Variants in SEMA4D observed in about 807,000 individuals in gnomAD.
SEMA4D encodes the protein semaphorin 4D.
In SEMA4D, 22 loss-of-function variants were observed where a neutral mutation model predicts 74.8. The observed-to-expected ratio is 0.29, with a 90% confidence interval of 0.21 to 0.42. SEMA4D has a LOEUF of 0.42. Ranked by LOEUF, SEMA4D falls within the 10% of genes least tolerant of loss-of-function variation. The pLI is 1.00. For synonymous variants in SEMA4D, 445 were observed against 463.7 expected, an observed-to-expected ratio of 0.96 and a Z score of 0.52; for missense variants, 937 against 1,118.4, an observed-to-expected ratio of 0.84 and a Z score of 2.31.
At chr9:89,431,080 T>C (rs923221863) in intron 2 of SEMA4D, among the ~76,000 whole-genome samples, 5 of 152,258 alleles carry the variant, frequency 3.3e-5, no homozygotes, top group South Asian at 2.1e-4. Context: ...CACAAGTCGA[T>C]GTTTATTGAC....
intron 3 of SEMA4D, among the ~76,000 whole-genome samples, chr9:89,404,549 T>A (rs1842859445): frequency 1.9e-5 from 2 of 105,302 alleles, no homozygotes; most frequent in South Asian, 5.4e-4. Flanking sequence ...TCCTGTCCCG[T>A]CCCCAGCCAC....
intron 13 of SEMA4D, chr9:89,385,835 G>T: frequency 1.1e-6 from 1 of 906,072 alleles, no homozygotes; most frequent in Non-Finnish European, 1.3e-6. Flanking sequence ...GCCAGGGCCA[G>T]GGAGGCAGCC....
intron 4 of SEMA4D, among the ~76,000 whole-genome samples, chr9:89,402,295 C>T (rs964082106): frequency 4.6e-5 from 7 of 152,282 alleles, no homozygotes; most frequent in Admixed American, 3.9e-4. Context: ...GAGGCTGGCT[C>T]CTAGAAGCGG....
At chr9:89,385,782 A>T (rs1838307030) in intron 13 of SEMA4D, 1 of 531,560 alleles carries the variant, frequency 1.9e-6, no homozygotes, top group Non-Finnish European at 2.4e-6. Flanking sequence ...GAGAGGACTG[A>T]CTGGGCCTGG....
chr9:89,440,222 T>C (rs1382753785), intron 2 of SEMA4D, among the ~76,000 whole-genome samples: 1 of 152,106 alleles, frequency 6.6e-6, no homozygotes, highest in Non-Finnish European at 1.5e-5. Flanking sequence ...ACAGACCCAG[T>C]TGAGGCTCCC....
At position 89,391,366 on chromosome 9, in the gene SEMA4D, G is replaced by A. The variant is rs116833424; in HGVS notation, c.672C>T (p.Pro224=). ...ADVIRKSPDS[P]DGEDDRVYFF... ...AGTAGACCCTGTCATCCTCGCCGTCGGGGCTGTCTGGGCTTTTTCGGATCA... is the reference window on the plus strand; with the variant it reads ...AGTAGACCCTGTCATCCTCGCCGTCAGGGCTGTCTGGGCTTTTTCGGATCA... The change falls in exon 9 of 16, where the codon CCC becomes CCT. Residue 224 remains proline, a synonymous_variant. Transcript: ENST00000422704. The A allele has an allele frequency of 1.8e-3, 2,942 of 1,614,220 alleles. 45 individuals are homozygous for A. The African/African-American group carries it at 0.034, about 19-fold the overall frequency.
intron 1 of SEMA4D, among the ~76,000 whole-genome samples, chr9:89,490,140 T>C (rs73653411): frequency 0.014 from 2,191 of 152,266 alleles, 56 homozygotes; most frequent in African/African-American, 0.05. Flanking sequence ...CGCATGTTTA[T>C]TGGCCGTTTG....
chr9:89,413,682 C>A (rs1845033618), intron 2 of SEMA4D, among the ~76,000 whole-genome samples: 1 of 152,198 alleles, frequency 6.6e-6, no homozygotes, highest in Non-Finnish European at 1.5e-5. Context: ...TGGATCTCTG[C>A]ATGTGTATAC....
Position 89,379,411 on chromosome 9 carries a change from C to A in SEMA4D, c.1882G>T (p.Glu628Ter), listed in dbSNP as rs1836495901. 1 of 1,614,082 alleles carries A rather than the reference C, an allele frequency of 6.2e-7. No homozygotes were observed. Among genetic ancestry groups the A allele is most frequent in the Non-Finnish European group, 8.5e-7 (1 of 1,180,044 alleles). Residue 628 changes from glutamate to a stop codon, truncating the protein, a stop_gained, in exon 16 of 16, where the codon GAG becomes TAG. Coordinates refer to ENST00000422704, the MANE Select transcript of SEMA4D (RefSeq NM_001371194.2). LOFTEE classifies it low-confidence loss of function (END_TRUNC). ...DSGVYQCLSE[E>*]RVKNKTVFQV... ...AAGACCGTTTTGTTCTTAACCCTCT[C>A]CTCTGACAGGCACTGGTACACCCCA...
chr9:89,393,909 A>G (rs1840369949), intron 6 of SEMA4D, among the ~76,000 whole-genome samples: 1 of 152,212 alleles, frequency 6.6e-6, no homozygotes, highest in Non-Finnish European at 1.5e-5. Flanking sequence ...CAGACCCTCA[A>G]TTTACTCATC....
At chr9:89,458,741 GCA>G (rs143720953) in intron 1 of SEMA4D, among the ~76,000 whole-genome samples, 4,310 of 151,544 alleles carry the variant, frequency 0.028, 192 homozygotes, top group African/African-American at 0.098. Context: ...ACACACTCAT[GCA>G]CACACACACA....
chr9:89,363,967 T>C (rs754498878), intron 16 of SEMA4D: 3 of 1,613,986 alleles, frequency 1.9e-6, no homozygotes, highest in East Asian at 2.2e-5. Flanking sequence ...ACACAGACCG[T>C]TTCCACCTCT....
rs75403712 is a variant in SEMA4D, at chr9:89,404,518, G to C, written c.106+833C>G. On this transcript the variant is annotated intron_variant, in intron 3 of 15. Transcript: ENST00000422704. ...TGCCAGCATCCTCAGCCACCTGCCT[G>C]AGCATCCCAGGAAGTGGAGTTCCTG... Among the ~76,000 whole-genome samples the C allele has an allele frequency of 2.5e-3, 267 of 108,130 alleles. 1 individual carries two copies. The highest frequency in any genetic ancestry group is 5.7e-3 in the Middle Eastern group (1 of 174). The allele number at this position is 108,130 out of a possible 152,430, so 70.9% of individuals were successfully genotyped here.
intron 1 of SEMA4D, among the ~76,000 whole-genome samples, chr9:89,477,895 AAC>A (rs1026677299): frequency 6.8e-4 from 103 of 152,348 alleles, no homozygotes; most frequent in African/African-American, 2.3e-3. Context: ...AGGCCCCACC[AAC>A]AGAGAGAAAA....
At position 89,379,172 on chromosome 9, in the gene SEMA4D, G is replaced by A; in HGVS notation, c.2121C>T (p.Ser707=). 6.2e-7 allele frequency: 1 copy of A among 1,614,218 alleles called. No individual in the cohort carries two copies. Among genetic ancestry groups the A allele is most frequent in the African/African-American group, 1.3e-5 (1 of 75,038 alleles). ...TGTTGATGACGATCTTTGGTTCGCA[G>A]GATGTGCCGGTGGGCGCAGGCTTGG... The part of the protein sequence containing the change: ...LPPKPAPTGT[S]CEPKIVINTV... The change falls in exon 16 of 16, where the codon TCC becomes TCT. Residue 707 remains serine (S), a synonymous_variant. Transcript: ENST00000422704.
chr9:89,443,797 C>A (rs1249636621), intron 2 of SEMA4D, among the ~76,000 whole-genome samples: 1 of 152,246 alleles, frequency 6.6e-6, no homozygotes, highest in Non-Finnish European at 1.5e-5. Flanking sequence ...GGGCTCCCTG[C>A]ATAGGTGTGG....
intron 2 of SEMA4D, among the ~76,000 whole-genome samples, chr9:89,447,944 G>A (rs569370116): frequency 1.3e-5 from 2 of 152,206 alleles, no homozygotes; most frequent in South Asian, 2.1e-4. Flanking sequence ...TGTAGAACCC[G>A]TCTCATCTCC....
chr9:89,383,159 A>T (rs1031636217), intron 13 of SEMA4D, among the ~76,000 whole-genome samples: 23 of 152,226 alleles, frequency 1.5e-4, no homozygotes, highest in African/African-American at 5.1e-4. Flanking sequence ...TGTGGATGTC[A>T]GTGGGTGGGA....
chr9:89,437,170 C>T (rs1030181789), intron 2 of SEMA4D, among the ~76,000 whole-genome samples: 1 of 152,222 alleles, frequency 6.6e-6, no homozygotes, highest in East Asian at 1.9e-4. Context: ...GGCTGCAGGG[C>T]CCTGGCTGCT....
Sources: gnomAD v4.1 joint callset for allele counts (sites outside exome capture counted in the v4.1 genomes callset) on GRCh38, gnomAD v4.1.1 for gene constraint, MANE v1.5 for transcripts, NCBI Gene and HGNC (gene_info 2026-07-23, HGNC 2026-07-21) for gene names.